Variants in FIGNL1 observed in about 807,000 individuals in gnomAD.
FIGNL1 encodes fidgetin-like protein 1.
FIGNL1 carries 11 observed loss-of-function variants against 28.9 expected under a neutral mutation model. That is an observed-to-expected ratio of 0.38 (90% CI 0.24 to 0.63). FIGNL1 has a LOEUF of 0.63. Among genes scored for constraint, FIGNL1 ranks in the 20% least tolerant of loss-of-function variants. The pLI, the probability that FIGNL1 is intolerant of heterozygous loss-of-function variation, is 0.57. For synonymous variants in FIGNL1, 295 were observed against 276.5 expected, an observed-to-expected ratio of 1.07 and a Z score of -0.66; for missense variants, 789 against 810.4, an observed-to-expected ratio of 0.97 and a Z score of 0.32.
chr7:50,449,990 C>T (rs896720245), intron 1 of FIGNL1: 2 of 152,350 alleles, frequency 1.3e-5, no homozygotes, highest in Admixed American at 1.3e-4. Flanking sequence ...CGGCCCCGCC[C>T]CCGGACAGGC....
chr7:50,447,008 G>T lies in FIGNL1; in HGVS notation c.280C>A (p.Gln94Lys), dbSNP rs1162218828. Residue 94 changes from glutamine to lysine, a missense_variant, in exon 4 of 4, where the codon CAA becomes AAA. By Grantham distance (53) the Gln-to-Lys change is moderately conservative. Coordinates refer to ENST00000433017, the MANE Select transcript of FIGNL1 (RefSeq NM_001287492.4). ...ENILTLAGSQQTDSDKWQSGL... is the reference protein window; with the variant it reads ...ENILTLAGSQKTDSDKWQSGL... ...GACTGCCACTTGTCACTATCTGTTT[G>T]TTGAGATCCTGCCAAAGTTAAAATG... 1.3e-5 allele frequency: 21 copies of T among 1,614,204 alleles called. No individual in the cohort carries two copies. The highest frequency in any genetic ancestry group is 1.7e-5 in the Non-Finnish European group (20 of 1,180,040).
intron 2 of FIGNL1, 130 bp from the exon 3 acceptor site, chr7:50,448,419 C>T (rs1176359640): frequency 6.6e-6 from 1 of 152,212 alleles, no homozygotes. Flanking sequence ...CCTAATTTCA[C>T]ATAATTATTA....
At chr7:50,448,522 G>C (rs756477145) in intron 2 of FIGNL1, 1 of 152,130 alleles carries the variant, frequency 6.6e-6, no homozygotes, top group Admixed American at 6.5e-5. Context: ...CAAGTTATTC[G>C]CATAAGCTTC....
rs751393424 is a variant in FIGNL1, at chr7:50,446,424, C to T, written c.864G>A (p.Glu288=). ...CSKTEDNGPK[E]DSSLPTFKTA... ...TTTTAAATGTAGGCAGGCTGCTATC[C>T]TCCTTTGGGCCATTATCTTCTGTTT... Residue 288 remains glutamate, a synonymous_variant, in exon 4 of 4, where the codon GAG becomes GAA. Coordinates refer to ENST00000433017, the MANE Select transcript of FIGNL1 (RefSeq NM_001287492.4). The T allele has an allele frequency of 1.2e-6, 2 of 1,614,166 alleles. No individual in the cohort carries two copies. The highest frequency in any genetic ancestry group is 1.7e-6 in the Non-Finnish European group (2 of 1,180,042).
intron 2 of FIGNL1, 77 bp downstream of exon 2, chr7:50,449,041 A>G (rs1821534991): frequency 6.6e-6 from 1 of 152,162 alleles, no homozygotes. Flanking sequence ...AAACTTTCAC[A>G]ATTAATATTA....
rs568473252 is a variant in FIGNL1 at position 50,445,406 on chromosome 7, T to A, written c.1882A>T (p.Ile628Phe). ...ACTTGATCCGGTGTTATGGTAGCAATGTCAGCAGTTTGTAAACTGCGAATA... is the reference window on the plus strand; with the variant it reads ...ACTTGATCCGGTGTTATGGTAGCAAAGTCAGCAGTTTGTAAACTGCGAATA... Reference protein sequence around the residue: ...GPIRSLQTADIATITPDQVRP... With the variant: ...GPIRSLQTADFATITPDQVRP... The change falls in exon 4 of 4, where the codon ATT becomes TTT. Residue 628 changes from isoleucine to phenylalanine, a missense_variant. By Grantham distance (21) the Ile-to-Phe change is conservative. Transcript: ENST00000433017. 29 of 1,614,092 alleles carry A rather than the reference T, an allele frequency of 1.8e-5. No individual in the cohort carries two copies. The highest frequency in any genetic ancestry group is 2.3e-5 in the Non-Finnish European group (27 of 1,180,026).
intron 2 of FIGNL1, chr7:50,448,681 G>A (rs778842199): frequency 6.6e-6 from 1 of 152,100 alleles, no homozygotes; most frequent in Non-Finnish European, 1.5e-5. Flanking sequence ...CCCTACTTTA[G>A]GTTCAAGTAT....
chr7:50,448,202 T>A lies in FIGNL1; in HGVS notation c.-32A>T, dbSNP rs1012755797. The stretch of plus-strand genomic sequence containing the variant: ...TTACTTGAGATCACACAGCCAGTTA[T>A]GAATGGTATCAGAAATCGAACACAA... On this transcript the variant is annotated 5_prime_UTR_variant, in exon 3 of 4. Coordinates refer to ENST00000433017, the MANE Select transcript of FIGNL1 (RefSeq NM_001287492.4). The A allele has an allele frequency of 3.5e-4, 54 of 152,268 alleles. No homozygotes were observed. The highest frequency in any genetic ancestry group is 1.3e-3 in the African/African-American group (53 of 41,474). 9.4% of individuals were successfully genotyped at this position (152,268 alleles called of 1,614,324 possible).
At chr7:50,447,356 A>ACTTC in intron 3 of FIGNL1, 59 bp from the exon 4 acceptor site, 1 of 1,279,404 alleles carries the variant, frequency 7.8e-7, no homozygotes, top group East Asian at 2.5e-5. Context: ...AATACTTTAA[A>ACTTC]TGTAATTTTG....
At position 50,445,219 on chromosome 7, in the gene FIGNL1, A is replaced by G; in HGVS notation, c.*44T>C. 8.1e-7 allele frequency: 1 copy of G among 1,234,338 alleles called. No individual in the cohort carries two copies. The allele number at this position is 1,234,338 out of a possible 1,614,324, so 76.5% of individuals were successfully genotyped here. A position where few individuals can be genotyped will look rare whatever the true frequency, so the allele number is the denominator to read the frequency against. ...CCCCAACTTTCTATGCTAAAAAATA[A>G]AGAAGACTGTACTACAGAGATGCCT... On this transcript the variant is annotated 3_prime_UTR_variant, in exon 4 of 4. Transcript: ENST00000433017.
chr7:50,445,794 A>C lies in FIGNL1; in HGVS notation c.1494T>G (p.Phe498Leu). The C allele has an allele frequency of 1.2e-6, 2 of 1,614,234 alleles. No homozygotes were observed. Among genetic ancestry groups the C allele is most frequent in the Non-Finnish European group, 1.7e-6 (2 of 1,180,024 alleles). ...VARCQQPAVI[F>L]IDEIDSLLSQ... Reference sequence around the variant, plus strand: ...ATAACAAGGAATCAATTTCGTCAATAAATATCACAGCTGGTTGCTGACACC... The same window carrying C: ...ATAACAAGGAATCAATTTCGTCAATCAATATCACAGCTGGTTGCTGACACC... The change falls in exon 4 of 4, where the codon TTT becomes TTG. Residue 498 changes from phenylalanine to leucine, a missense_variant. Physicochemically the swap from Phe to Leu is conservative, Grantham distance 22. Coordinates refer to ENST00000433017, the MANE Select transcript of FIGNL1 (RefSeq NM_001287492.4).
At chr7:50,449,770 A>G (rs1821658012) in intron 1 of FIGNL1, 47 bp from the exon 2 acceptor site, 1 of 152,276 alleles carries the variant, frequency 6.6e-6, no homozygotes, top group African/African-American at 2.4e-5. Context: ...AGGTATTTTA[A>G]TTCTGCAAAG....
chr7:50,446,915 A>C lies in FIGNL1; in HGVS notation c.373T>G (p.Phe125Val). The C allele has an allele frequency of 1.9e-6, 3 of 1,614,128 alleles. No homozygotes were observed. Among genetic ancestry groups the C allele is most frequent in the Non-Finnish European group, 2.5e-6 (3 of 1,180,030 alleles). The change falls in exon 4 of 4, where the codon TTC (phenylalanine) becomes GTC (valine). Residue 125 changes from phenylalanine (F) to valine (V), a missense_variant. Phe to Val is a conservative substitution (Grantham distance 50). Coordinates refer to ENST00000433017, the MANE Select transcript of FIGNL1 (RefSeq NM_001287492.4). ...VQKMMQAGKKFKDSLLEPALA... is the reference protein window; with the variant it reads ...VQKMMQAGKKVKDSLLEPALA... ...GCAGGTTCCAACAGAGAGTCTTTGA[A>C]TTTTTTGCCAGCTTGCATCATCTTC... is the stretch of plus-strand genomic sequence containing the variant.
In FIGNL1 at chr7:50,445,994, C is replaced by T; in HGVS notation, c.1294G>A (p.Gly432Arg). The T allele has an allele frequency of 1.2e-6, 2 of 1,614,142 alleles. No homozygotes were observed. Among genetic ancestry groups the T allele is most frequent in the Non-Finnish European group, 1.7e-6 (2 of 1,180,024 alleles). Residue 432 changes from glycine to arginine, a missense_variant, in exon 4 of 4, where the codon GGA (glycine) becomes AGA (arginine). Transcript: ENST00000433017. ...AAGAGCAAAATTCCTTTAGGGGGTC[C>T]CCTTAAACCAGTAAAGATGTCTGGC... ...LRPDIFTGLR[G>R]PPKGILLFGP...
Position 50,446,994 on chromosome 7 carries a change from G to A in FIGNL1, c.294C>T (p.Asp98=). The stretch of plus-strand genomic sequence containing the variant: ...TTATTGACAATCCAGACTGCCACTT[G>A]TCACTATCTGTTTGTTGAGATCCTG... ...TLAGSQQTDS[D]KWQSGLSINN... The change falls in exon 4 of 4, where the codon GAC becomes GAT. Residue 98 remains aspartate (D), a synonymous_variant. Transcript: ENST00000433017. The A allele has an allele frequency of 1.2e-6, 2 of 1,614,198 alleles. No homozygotes were observed. The highest frequency in any genetic ancestry group is 1.7e-6 in the Non-Finnish European group (2 of 1,180,034).
rs142215430 is a variant in FIGNL1 at position 50,446,738 on chromosome 7, G to A, written c.550C>T (p.Leu184Phe). The change falls in exon 4 of 4, where the codon CTC becomes TTC. Residue 184 changes from leucine to phenylalanine, a missense_variant. Leu to Phe is a conservative substitution (Grantham distance 22, BLOSUM62 0). Coordinates refer to ENST00000433017, the MANE Select transcript of FIGNL1 (RefSeq NM_001287492.4). ...ATAGGTGGCTGGGCATTCTGAAGGA[G>A]TTTCAAACGATTGCTCTCCGGGAAG... ...QDFPESNRLK[L>F]LQNAQPPMVT... 2.2e-4 allele frequency: 359 copies of A among 1,614,216 alleles called. 1 individual carries two copies. The highest frequency in any genetic ancestry group is 2.9e-4 in the Non-Finnish European group (342 of 1,180,046).
At chr7:50,447,986 C>T (rs973385575) in intron 3 of FIGNL1, 195 bp downstream of exon 3, 1 of 152,262 alleles carries the variant, frequency 6.6e-6, no homozygotes, top group African/African-American at 2.4e-5. Context: ...ATCCACCCGC[C>T]TCAGCCTCCC....
In FIGNL1 at chr7:50,445,541, TG is replaced by T; in HGVS notation, c.1746del (p.Glu584SerfsTer25). On this transcript the variant is annotated frameshift_variant, in exon 4 of 4. Transcript: ENST00000433017. LOFTEE classifies it high-confidence loss of function. ...TCTTCACTGAGGCAACACTGCTCTTTGGACATTAGATTAATTACTATCTGTT... is the reference window on the plus strand; with the variant it reads ...TCTTCACTGAGGCAACACTGCTCTTTGACATTAGATTAATTACTATCTGTT... Reference protein sequence around the residue: ...ARKQIVINLMSKEQCCLSEEE... With the variant: ...ARKQIVINLMXKEQCCLSEEE... 1 of 1,614,254 alleles carries T rather than the reference TG, an allele frequency of 6.2e-7. No individual in the cohort carries two copies. Among genetic ancestry groups the T allele is most frequent in the African/African-American group, 1.3e-5 (1 of 75,074 alleles).
In FIGNL1 at chr7:50,444,286, C is replaced by T. The variant is rs1266092529; in HGVS notation, c.*977G>A. On this transcript the variant is annotated 3_prime_UTR_variant, in exon 4 of 4. Coordinates refer to ENST00000433017, the MANE Select transcript of FIGNL1 (RefSeq NM_001287492.4). ...CCTATATGCGCTCTACCAGATGACT[C>T]AATTATATTCCATCCATCCATGGAA... 1.3e-5 allele frequency: 2 copies of T among 152,188 alleles called. No homozygotes were observed. Among genetic ancestry groups the T allele is most frequent in the African/African-American group, 4.8e-5 (2 of 41,440 alleles). The allele number at this position is 152,188 out of a possible 1,614,324, so 9.4% of individuals were successfully genotyped here. A position where few individuals can be genotyped will look rare whatever the true frequency, so the allele number is the denominator to read the frequency against.
Sources: gnomAD v4.1 joint callset for allele counts on GRCh38, gnomAD v4.1.1 for gene constraint, MANE v1.5 for transcripts, NCBI Gene and HGNC (gene_info 2026-07-23, HGNC 2026-07-21) for gene names.